Variants in ALDOB observed in about 807,000 individuals in gnomAD.
ALDOB encodes the protein fructose-bisphosphate aldolase B.
Under a neutral mutation model 41.0 loss-of-function variants are expected in ALDOB, and 39 were observed. The observed-to-expected ratio is 0.95, with a 90% CI of 0.74 to 1.24. The LOEUF (loss-of-function observed/expected upper bound fraction) is 1.24, where lower values mean the gene tolerates loss of function less well. Among genes scored for constraint, ALDOB ranks in the 50% most tolerant of loss-of-function variants. The pLI is 0.00. For missense variants in ALDOB, 530 were observed against 457.3 expected (o/e 1.16, Z -1.45); for synonymous variants, 175 against 168.8 (o/e 1.04, Z -0.28).
chr9:101,423,520 C>A (rs1186466369), intron 8 of ALDOB, among the ~76,000 whole-genome samples: 1 of 152,230 alleles, frequency 6.6e-6, no homozygotes, highest in East Asian at 1.9e-4. Context: ...CGCTTTCCGA[C>A]TGTCAGTATT....
At chr9:101,435,661 T>G (rs1418052364) in intron 1 of ALDOB, 48 bp downstream of exon 1, 3 of 152,204 alleles carry the variant, frequency 2.0e-5, no homozygotes, top group South Asian at 2.1e-4. Context: ...TATTAACCCC[T>G]TATTCACTGG....
chr9:101,427,285 T>A (rs868147948), intron 5 of ALDOB, among the ~76,000 whole-genome samples, 197 bp downstream of exon 5: 1 of 152,120 alleles, frequency 6.6e-6, no homozygotes, highest in African/African-American at 2.4e-5. Context: ...ACTCATAGCT[T>A]AGTTGGACTC....
In ALDOB at chr9:101,424,094, C is replaced by T. The variant is rs188765853; in HGVS notation, c.999+749G>A. ...TTTTCTTGGCCTTTCTTTTGAATCT[C>T]TCTATAGCATGTTATTATTGGCCCT... On this transcript the variant is annotated intron_variant, in intron 8 of 8. Transcript: ENST00000647789. Among the ~76,000 whole-genome samples, 184 of 152,132 alleles carry T rather than the reference C, an allele frequency of 1.2e-3. 1 individual carries two copies. Among genetic ancestry groups the T allele is most frequent in the African/African-American group, 4.2e-3 (176 of 41,490 alleles).
Position 101,421,197 on chromosome 9 carries a change from T to C in ALDOB, c.*612A>G, listed in dbSNP as rs41296049. 0.079 allele frequency: 12,210 copies of C among 154,682 alleles called. 543 individuals carry two copies. The highest frequency in any genetic ancestry group is 0.16 in the Middle Eastern group (48 of 294). 9.6% of individuals were successfully genotyped at this position (154,682 alleles called of 1,614,324 possible). On this transcript the variant is annotated 3_prime_UTR_variant, in exon 9 of 9. Transcript: ENST00000647789. ...CCCAAGTCTAGGGTTTCTGATTTAA[T>C]TGAGCTGGGGTGTGGCCTGAGCATC... is the stretch of plus-strand genomic sequence containing the variant.
chr9:101,428,012 T>C (rs1312594090), intron 4 of ALDOB, among the ~76,000 whole-genome samples: 2 of 152,108 alleles, frequency 1.3e-5, no homozygotes, highest in Non-Finnish European at 2.9e-5. Flanking sequence ...ATGTTGTGAG[T>C]TAATGCTTGT....
chr9:101,425,616 A>T lies in ALDOB; in HGVS notation c.636T>A (p.Ala212=). Residue 212 remains alanine (A), a synonymous_variant, in exon 7 of 9, where the codon GCT becomes GCA. Transcript: ENST00000647789. ...GATGGTCATTCAGGGCCTTGTAGAC[A>T]GCAGCCAGGACCTGAAGGACAAGAG... ...CQYVTEKVLA[A]VYKALNDHHV... 6.2e-7 allele frequency: 1 copy of T among 1,614,128 alleles called. No individual in the cohort carries two copies. Among genetic ancestry groups the T allele is most frequent in the Non-Finnish European group, 8.5e-7 (1 of 1,180,020 alleles).
intron 8 of ALDOB, among the ~76,000 whole-genome samples, chr9:101,423,256 C>G (rs1339980501): frequency 6.6e-6 from 1 of 152,214 alleles, no homozygotes; most frequent in Non-Finnish European, 1.5e-5. Flanking sequence ...CTAGCTTCCT[C>G]TATGGTCAGC....
intron 1 of ALDOB, among the ~76,000 whole-genome samples, chr9:101,434,265 T>C (rs1831259971): frequency 6.6e-6 from 1 of 152,196 alleles, no homozygotes; most frequent in African/African-American, 2.4e-5. Flanking sequence ...AGAGAGACTA[T>C]GTCTGATGTG....
chr9:101,422,502 A>G (rs1831063448), intron 8 of ALDOB, among the ~76,000 whole-genome samples: 1 of 152,244 alleles, frequency 6.6e-6, no homozygotes, highest in Non-Finnish European at 1.5e-5. Flanking sequence ...GTCTACCAGC[A>G]TCCCTTAGGA....
rs1929480 is a variant in ALDOB at position 101,427,398 on chromosome 9, T to G, written c.540+84A>C. ...ACTGGTGAGGGAAAAGGAGGTCCAT[T>G]TGTAGTTATAGTATAATTGAAAAGA... On this transcript the variant is annotated intron_variant, in intron 5 of 8. Coordinates refer to ENST00000647789, the MANE Select transcript of ALDOB (RefSeq NM_000035.4). 0.32 allele frequency: 480,025 copies of G among 1,519,468 alleles called. 82,237 individuals carry two copies. Among genetic ancestry groups the G allele is most frequent in the Non-Finnish European group, 0.36 (393,986 of 1,106,944 alleles). 94.1% of individuals were successfully genotyped at this position (1,519,468 alleles called of 1,614,324 possible). A position where few individuals can be genotyped will look rare whatever the true frequency, so the allele number is the denominator to read the frequency against.
intron 4 of ALDOB, 62 bp from the exon 5 acceptor site, chr9:101,427,704 T>C (rs1329613868): frequency 8.1e-6 from 13 of 1,600,192 alleles, no homozygotes; most frequent in Non-Finnish European, 1.1e-5. Flanking sequence ...ATGGGGCTTC[T>C]AATAAAGGGA....
intron 8 of ALDOB, among the ~76,000 whole-genome samples, chr9:101,424,461 AT>A (rs1443569991): frequency 6.6e-6 from 1 of 152,062 alleles, no homozygotes; most frequent in Non-Finnish European, 1.5e-5. Context: ...AAAGAAAGAA[AT>A]TCTTCTGTCT....
chr9:101,423,171 T>C (rs1831074053), intron 8 of ALDOB, among the ~76,000 whole-genome samples: 1 of 152,192 alleles, frequency 6.6e-6, no homozygotes, highest in South Asian at 2.1e-4. Context: ...TGTGAGATGA[T>C]GATTTAGCTT....
At chr9:101,423,294 T>C (rs1022081717) in intron 8 of ALDOB, among the ~76,000 whole-genome samples, 1 of 152,176 alleles carries the variant, frequency 6.6e-6, no homozygotes, top group African/African-American at 2.4e-5. Flanking sequence ...CGGTAAAATT[T>C]GTCACTCTTC....
intron 8 of ALDOB, among the ~76,000 whole-genome samples, chr9:101,423,946 T>C (rs956105102): frequency 1.3e-5 from 2 of 152,230 alleles, no homozygotes; most frequent in Admixed American, 6.5e-5. Flanking sequence ...TCCTCATTTC[T>C]CCTGGCAACC....
In ALDOB at chr9:101,427,574, C is replaced by G. The variant is rs1800546; in HGVS notation, c.448G>C (p.Ala150Pro). 4.4e-3 allele frequency: 7,087 copies of G among 1,614,172 alleles called. 18 individuals carry two copies. The highest frequency in any genetic ancestry group is 5.3e-3 in the Non-Finnish European group (6,255 of 1,180,026). ...CACTGGTCGGCAATCCTCAGCACAGCACGCCACTTCCCAAAGTCAACACCA... is the reference window on the plus strand; with the variant it reads ...CACTGGTCGGCAATCCTCAGCACAGGACGCCACTTCCCAAAGTCAACACCA... ...KDGVDFGKWR[A>P]VLRIADQCPS... Residue 150 changes from alanine (A) to proline (P), a missense_variant, in exon 5 of 9, where the codon GCT becomes CCT. Ala to Pro is a conservative substitution (Grantham distance 27). Transcript: ENST00000647789.
chr9:101,425,921 C>T (rs1455286743), intron 6 of ALDOB, among the ~76,000 whole-genome samples: 1 of 152,188 alleles, frequency 6.6e-6, no homozygotes, highest in African/African-American at 2.4e-5. Context: ...TTCCATTACT[C>T]CCTTGGTCAA....
chr9:101,429,851 A>G lies in ALDOB; in HGVS notation c.228T>C (p.Gly76=). 1 of 1,613,882 alleles carries G rather than the reference A, an allele frequency of 6.2e-7. No homozygotes were observed. Among genetic ancestry groups the G allele is most frequent in the East Asian group, 2.2e-5 (1 of 44,842 alleles). Residue 76 remains glycine, a synonymous_variant, in exon 3 of 9, where the codon GGT becomes GGC. Coordinates refer to ENST00000647789, the MANE Select transcript of ALDOB (RefSeq NM_000035.4). ...VDSSINQSIG[G]VILFHETLYQ... ...AGAGGGTCTCGTGGAAAAGGATCAC[A>G]CCCCCGATGCTCTGGTTGATGGAAC...
intron 5 of ALDOB, 100 bp from the exon 6 acceptor site, chr9:101,426,738 A>G: frequency 1.3e-6 from 1 of 786,990 alleles, no homozygotes; most frequent in Admixed American, 1.8e-5. Context: ...AATTGAAGCC[A>G]TTATGGAGAA....
Sources: gnomAD v4.1 joint callset for allele counts (sites outside exome capture counted in the v4.1 genomes callset) on GRCh38, gnomAD v4.1.1 for gene constraint, MANE v1.5 for transcripts, NCBI Gene and HGNC (gene_info 2026-07-23, HGNC 2026-07-21) for gene names.